Variants in MAML2 observed in about 807,000 individuals in gnomAD.
The protein encoded by MAML2 is mastermind like transcriptional coactivator 2.
A neutral mutation model predicts 96.1 loss-of-function variants in MAML2; 22 were observed. The ratio of observed to expected loss-of-function variants is 0.23; its 90% CI spans 0.16 to 0.33. The LOEUF is 0.33. MAML2 is among the 10% of genes least tolerant of loss of function. The pLI, the probability that MAML2 is intolerant of heterozygous loss-of-function variation, is 1.00. For synonymous variants in MAML2, 561 were observed against 521.3 expected, an observed-to-expected ratio of 1.08 and a Z score of -1.04; for missense variants, 1,367 against 1,392.4, an observed-to-expected ratio of 0.98 and a Z score of 0.29.
chr11:96,083,614 T>C (rs1033547384), intron 2 of MAML2, among the ~76,000 whole-genome samples: 2 of 152,232 alleles, frequency 1.3e-5, no homozygotes, highest in African/African-American at 4.8e-5. Flanking sequence ...TGCTAGCTCC[T>C]GTTCCTAACT....
At chr11:96,104,127 T>C (rs1859982046) in intron 1 of MAML2, among the ~76,000 whole-genome samples, 2 of 152,218 alleles carry the variant, frequency 1.3e-5, no homozygotes, top group African/African-American at 2.4e-5. Flanking sequence ...GTACCTACTA[T>C]AATTTCCAAA....
intron 2 of MAML2, among the ~76,000 whole-genome samples, chr11:96,012,847 G>C (rs2135729219): frequency 6.6e-6 from 1 of 152,272 alleles, no homozygotes; most frequent in African/African-American, 2.4e-5. Context: ...AACATTTTCA[G>C]AAACCTCTTT....
intron 2 of MAML2, among the ~76,000 whole-genome samples, chr11:96,015,444 C>T (rs1197332196): frequency 6.6e-6 from 1 of 151,874 alleles, no homozygotes; most frequent in Non-Finnish European, 1.5e-5. Context: ...AAACACTGTA[C>T]TCCAGCTGGT....
intron 1 of MAML2, among the ~76,000 whole-genome samples, chr11:96,289,324 C>T (rs1395492524): frequency 6.6e-6 from 1 of 152,126 alleles, no homozygotes; most frequent in Non-Finnish European, 1.5e-5. Context: ...ATATAATTAT[C>T]CGGATTACAA....
intron 1 of MAML2, among the ~76,000 whole-genome samples, chr11:96,186,999 G>A (rs1048544279): frequency 1.3e-5 from 2 of 152,240 alleles, no homozygotes; most frequent in African/African-American, 2.4e-5. Flanking sequence ...AATGTGAATA[G>A]TGCCTAGAGG....
chr11:96,306,373 C>T (rs1190151338), intron 1 of MAML2, among the ~76,000 whole-genome samples: 1 of 152,172 alleles, frequency 6.6e-6, no homozygotes, highest in Non-Finnish European at 1.5e-5. Context: ...GATATGGAGG[C>T]TTGGCATCTC....
chr11:96,075,752 CTCTTTT>C, intron 2 of MAML2, among the ~76,000 whole-genome samples: 1 of 152,308 alleles, frequency 6.6e-6, no homozygotes. Flanking sequence ...TCCCCAAGTT[CTCTTTT>C]TCTTTGTCTT....
intron 1 of MAML2, among the ~76,000 whole-genome samples, chr11:96,277,686 C>A (rs1430902208): frequency 6.8e-6 from 1 of 146,668 alleles, no homozygotes; most frequent in Non-Finnish European, 1.5e-5. Flanking sequence ...TGCAGTGAGC[C>A]GAGATCATGC....
At chr11:96,197,549 A>G (rs995105330) in intron 1 of MAML2, among the ~76,000 whole-genome samples, 3 of 152,126 alleles carry the variant, frequency 2.0e-5, no homozygotes, top group African/African-American at 4.8e-5. Flanking sequence ...TCCATTTCTC[A>G]TTTCTCGTAT....
chr11:95,991,410 C>T, intron 3 of MAML2, 110 bp downstream of exon 3: 4 of 997,660 alleles, frequency 4.0e-6, no homozygotes, highest in South Asian at 2.8e-5. Flanking sequence ...ACAGTCAGCA[C>T]ACCTTTGTTG....
intron 2 of MAML2, among the ~76,000 whole-genome samples, chr11:96,063,518 G>A (rs1349771741): frequency 1.3e-5 from 2 of 152,246 alleles, no homozygotes; most frequent in South Asian, 2.1e-4. Context: ...ACTATGTATC[G>A]ATGAGCATGT....
At chr11:96,129,677 G>T (rs562523791) in intron 1 of MAML2, among the ~76,000 whole-genome samples, 31 of 152,086 alleles carry the variant, frequency 2.0e-4, no homozygotes, top group Non-Finnish European at 4.1e-4. Context: ...TTTGTTCCAA[G>T]GGTATATTGT....
intron 2 of MAML2, among the ~76,000 whole-genome samples, chr11:96,076,432 TCACACA>T (rs57102762): frequency 0.015 from 1,571 of 103,150 alleles, 20 homozygotes; most frequent in African/African-American, 0.037. Flanking sequence ...TCTCTCTCTC[TCACACA>T]CACACACACA....
chr11:96,333,788 C>G (rs1863882716), intron 1 of MAML2, among the ~76,000 whole-genome samples: 2 of 152,200 alleles, frequency 1.3e-5, no homozygotes, highest in African/African-American at 4.8e-5. Flanking sequence ...TTTTGTGGCT[C>G]TAGGACCAAA....
At chr11:96,149,608 T>C (rs1350260374) in intron 1 of MAML2, among the ~76,000 whole-genome samples, 1 of 151,906 alleles carries the variant, frequency 6.6e-6, no homozygotes, top group Non-Finnish European at 1.5e-5. Flanking sequence ...GGCATGTGCC[T>C]GTAGTCCCAG....
chr11:96,291,853 T>C (rs1199644749), intron 1 of MAML2, among the ~76,000 whole-genome samples: 2 of 152,176 alleles, frequency 1.3e-5, no homozygotes, highest in East Asian at 1.9e-4. Context: ...CCTGGATGTA[T>C]ATCACCTTTG....
At chr11:96,155,509 A>AATTATATATAT (rs1860995386) in intron 1 of MAML2, among the ~76,000 whole-genome samples, 3 of 74,848 alleles carry the variant, frequency 4.0e-5, no homozygotes, top group Non-Finnish European at 2.5e-5. Flanking sequence ...TAACAATTCA[A>AATTATATATAT]ATATATATAT....
chr11:96,029,184 A>G (rs1206617306), intron 2 of MAML2, among the ~76,000 whole-genome samples: 1 of 145,276 alleles, frequency 6.9e-6, no homozygotes, highest in African/African-American at 2.5e-5. Context: ...TTTTTTTAAC[A>G]TCAAATAATA....
intron 1 of MAML2, among the ~76,000 whole-genome samples, chr11:96,180,161 C>CA (rs111732400): frequency 0.26 from 38,859 of 151,416 alleles, 5,289 homozygotes; most frequent in East Asian, 0.49. Flanking sequence ...CCAAAGAAGC[C>CA]AAAAAAAAGG....
Sources: gnomAD v4.1 joint callset for allele counts (sites outside exome capture counted in the v4.1 genomes callset) on GRCh38, gnomAD v4.1.1 for gene constraint, MANE v1.5 for transcripts, NCBI Gene and HGNC (gene_info 2026-07-23, HGNC 2026-07-21) for gene names.